Variants in BTRC observed in about 807,000 individuals in gnomAD.
BTRC encodes the protein beta-transducin repeat containing E3 ubiquitin protein ligase, also known as F-box/WD repeat-containing protein 1A.
BTRC carries 42 observed loss-of-function variants against 85.5 expected under a neutral mutation model. That is an observed-to-expected ratio of 0.49 (90% CI 0.38 to 0.64). BTRC has a LOEUF of 0.64. Ranked by LOEUF, BTRC falls within the 30% of genes least tolerant of loss-of-function variation. The probability of loss-of-function intolerance (pLI) is 0.00; values close to 1 mark genes in which losing one functional copy is unlikely to be tolerated. For missense variants in BTRC, 594 were observed against 743.5 expected, an observed-to-expected ratio of 0.80 and a Z score of 2.34; for synonymous variants, 255 against 263.3, an observed-to-expected ratio of 0.97 and a Z score of 0.30.
intron 1 of BTRC, among the ~76,000 whole-genome samples, chr10:101,366,967 A>ATTT (rs1301633409): frequency 3.3e-5 from 1 of 30,020 alleles, no homozygotes; most frequent in African/African-American, 8.3e-5. Flanking sequence ...TATTTATATA[A>ATTT]ATATATATTT....
intron 1 of BTRC, among the ~76,000 whole-genome samples, chr10:101,375,797 C>G (rs896733833): frequency 2.6e-5 from 4 of 152,220 alleles, no homozygotes; most frequent in African/African-American, 9.6e-5. Context: ...TTTTTCCCCC[C>G]TCTTCCCTTT....
chr10:101,427,550 C>T (rs1310185125), intron 1 of BTRC, among the ~76,000 whole-genome samples: 1 of 148,786 alleles, frequency 6.7e-6, no homozygotes, highest in Non-Finnish European at 1.5e-5. Flanking sequence ...TTTCTTTCCA[C>T]AGGGTCTTGC....
chr10:101,513,133 T>A (rs1036915845), intron 4 of BTRC, among the ~76,000 whole-genome samples: 3 of 152,202 alleles, frequency 2.0e-5, no homozygotes, highest in Non-Finnish European at 4.4e-5. Flanking sequence ...TTACTTTAGA[T>A]AATTGTAGAA....
intron 1 of BTRC, among the ~76,000 whole-genome samples, chr10:101,394,132 G>A (rs184416105): frequency 2.4e-3 from 358 of 152,298 alleles, no homozygotes; most frequent in Non-Finnish European, 3.9e-3. Context: ...GGAGCTAGAG[G>A]TGGAGATCTA....
rs1036376115 is a variant in BTRC at position 101,555,549 on chromosome 10, T to G, written c.*2426T>G. 2.0e-5 allele frequency: 3 copies of G among 152,562 alleles called. No individual in the cohort carries two copies. Among genetic ancestry groups the G allele is most frequent in the Non-Finnish European group, 2.9e-5 (2 of 68,036 alleles). 9.5% of individuals were successfully genotyped at this position (152,562 alleles called of 1,614,324 possible). A position where few individuals can be genotyped will look rare whatever the true frequency, so the allele number is the denominator to read the frequency against. On this transcript the variant is annotated 3_prime_UTR_variant, in exon 15 of 15. Transcript: ENST00000370187. ...TTGAATCGTTCACATTTCTCAGCTC[T>G]GGGGGTCATTTACCAGTTTGTTGTA...
intron 4 of BTRC, among the ~76,000 whole-genome samples, chr10:101,511,013 C>T (rs1298086554): frequency 6.6e-6 from 1 of 152,186 alleles, no homozygotes; most frequent in East Asian, 1.9e-4. Context: ...GCTCCATTCT[C>T]TGTGTGGCAG....
chr10:101,464,218 G>A (rs1384273425), intron 3 of BTRC, among the ~76,000 whole-genome samples: 3 of 152,160 alleles, frequency 2.0e-5, no homozygotes, highest in African/African-American at 7.2e-5. Flanking sequence ...TTAATAGGCT[G>A]ATCCAGATGG....
chr10:101,379,679 G>GT (rs1430934157), intron 1 of BTRC, among the ~76,000 whole-genome samples: 2 of 151,894 alleles, frequency 1.3e-5, no homozygotes, highest in East Asian at 1.9e-4. Flanking sequence ...AGTGGCACTC[G>GT]TTTTTTTATG....
chr10:101,519,323 A>T (rs1589586436), intron 4 of BTRC, among the ~76,000 whole-genome samples: 1 of 151,832 alleles, frequency 6.6e-6, no homozygotes, highest in Non-Finnish European at 1.5e-5. Flanking sequence ...TAGGTGATCC[A>T]CCCACCTCAT....
chr10:101,499,152 G>A (rs966560030), intron 4 of BTRC, among the ~76,000 whole-genome samples: 3 of 152,154 alleles, frequency 2.0e-5, no homozygotes, highest in African/African-American at 7.2e-5. Flanking sequence ...AAAAAGTGAA[G>A]CTTAAAGAAG....
intron 3 of BTRC, among the ~76,000 whole-genome samples, chr10:101,475,948 T>TATATATATATATATAC (rs1564795659): frequency 7.6e-6 from 1 of 132,278 alleles, no homozygotes; most frequent in Non-Finnish European, 1.6e-5. Flanking sequence ...TATATATATA[T>TATATATATATATATAC]ATATATTCAG....
At chr10:101,522,352 T>TAAAAAAAAAAAAAAAAAAAAAAAAAAA (rs34282047) in intron 5 of BTRC, among the ~76,000 whole-genome samples, 1 of 42,060 alleles carries the variant, frequency 2.4e-5, no homozygotes, top group African/African-American at 6.8e-5. Flanking sequence ...TATAAAGCTT[T>TAAAAAAAAAAAAAAAAAAAAAAAAAAA]AAAAAAAAAA....
At chr10:101,383,480 C>T (rs1942990298) in intron 1 of BTRC, among the ~76,000 whole-genome samples, 1 of 151,350 alleles carries the variant, frequency 6.6e-6, no homozygotes, top group African/African-American at 2.4e-5. Context: ...ATATTTTGCT[C>T]ATGATTATTT....
rs146193429 is a variant in BTRC, at chr10:101,423,983, A to G, written c.49-6362A>G. Among the ~76,000 whole-genome samples, 324 of 152,260 alleles carry G rather than the reference A, an allele frequency of 2.1e-3. 1 individual carries two copies. The highest frequency in any genetic ancestry group is 4.0e-3 in the Non-Finnish European group (273 of 68,024). ...GGTGGCTCGTGCCTGTAATCCCAGC[A>G]CTTTGGGAGGCCAAGGCAGGTGGAT... On this transcript the variant is annotated intron_variant, in intron 1 of 14. Coordinates refer to ENST00000370187, the MANE Select transcript of BTRC (RefSeq NM_033637.4).
chr10:101,522,799 CT>C (rs2062137018), intron 5 of BTRC, among the ~76,000 whole-genome samples: 1 of 152,126 alleles, frequency 6.6e-6, no homozygotes, highest in African/African-American at 2.4e-5. Flanking sequence ...CAAATAAAAT[CT>C]TTTCTGAGGT....
chr10:101,418,985 A>G (rs1186017196), intron 1 of BTRC, among the ~76,000 whole-genome samples: 1 of 151,220 alleles, frequency 6.6e-6, no homozygotes, highest in African/African-American at 2.4e-5. Context: ...TACATGTAAC[A>G]TCTCACAGTT....
chr10:101,430,596 C>A, intron 2 of BTRC, 144 bp downstream of exon 2: 1 of 624,946 alleles, frequency 1.6e-6, no homozygotes. Flanking sequence ...CTCAGTACTC[C>A]TTTAATGATT....
intron 4 of BTRC, among the ~76,000 whole-genome samples, chr10:101,498,144 A>C (rs1356020032): frequency 2.6e-5 from 4 of 152,032 alleles, no homozygotes; most frequent in Non-Finnish European, 5.9e-5. Context: ...AGAGCCTTTT[A>C]ACCTGGCTTT....
In BTRC at chr10:101,476,746, T is replaced by C. The variant is rs556886757; in HGVS notation, c.235-2622T>C. Reference sequence around the variant, plus strand: ...GGCATGAGCCACTGTGCTTGAACTTTACTATTTTTGTACTTGTTCTATAAA... The same window carrying C: ...GGCATGAGCCACTGTGCTTGAACTTCACTATTTTTGTACTTGTTCTATAAA... On this transcript the variant is annotated intron_variant, in intron 3 of 14. Transcript: ENST00000370187. Among the ~76,000 whole-genome samples, 10 of 152,116 alleles carry C rather than the reference T, an allele frequency of 6.6e-5. No homozygotes were observed. In the East Asian group the frequency reaches 1.7e-3, roughly 27 times the overall value.
Sources: allele counts gnomAD v4.1 joint callset (sites outside exome capture counted in the v4.1 genomes callset), GRCh38; gene constraint gnomAD v4.1.1; transcripts MANE v1.5; gene names NCBI Gene and HGNC (gene_info 2026-07-23, HGNC 2026-07-21).